The following CECR2 variants were observed in gnomAD, a reference collection of about 807,000 sequenced individuals.
CECR2 encodes chromatin remodeling regulator CECR2.
CECR2 carries 30 observed loss-of-function variants against 154.5 expected under a neutral mutation model. The observed-to-expected ratio is 0.19, with a 90% CI of 0.15 to 0.26. The LOEUF is 0.26. Ranked by LOEUF, CECR2 falls within the 10% of genes least tolerant of loss-of-function variation. The pLI is 1.00. For synonymous variants in CECR2, 725 were observed against 683.7 expected (o/e 1.06, Z -0.94); for missense variants, 1,743 against 1,829.3 (o/e 0.95, Z 0.86).
Position 17,548,925 on chromosome 22 carries a change from A to C in CECR2, c.3638A>C (p.Gln1213Pro). 6.2e-7 allele frequency: 1 copy of C among 1,613,806 alleles called. No homozygotes were observed. Among genetic ancestry groups the C allele is most frequent in the Non-Finnish European group, 8.5e-7 (1 of 1,179,784 alleles). ...YACPQSFSDW[Q>P]RPLHPQGSPS... ...TGTCCACAGAGCTTTTCTGACTGGC[A>C]GAGACCTCTCCATCCCCAGGGAAGC... The change falls in exon 17 of 19, where the codon CAG becomes CCG. Residue 1213 changes from glutamine (Q) to proline (P), a missense_variant. Transcript: ENST00000262608.
intron 1 of CECR2, among the ~76,000 whole-genome samples, chr22:17,445,059 C>T (rs1486564535): frequency 6.6e-6 from 1 of 152,162 alleles, no homozygotes; most frequent in Non-Finnish European, 1.5e-5. Flanking sequence ...ACTTTTATAT[C>T]CTTAAATGCT....
Position 17,540,896 on chromosome 22 carries a change from A to C in CECR2, c.1884+96A>C, listed in dbSNP as rs2056513686. The C allele has an allele frequency of 7.8e-6, 10 of 1,287,272 alleles. No individual in the cohort carries two copies. The East Asian group carries it at 2.3e-4, about 30-fold the overall frequency. 79.7% of individuals were successfully genotyped at this position (1,287,272 alleles called of 1,614,324 possible). ...AGTTAGTACTTCCTGCAAAATACTT[A>C]CGTGTATGTATGGAATCTTTTTCCC... On this transcript the variant is annotated intron_variant, in intron 14 of 18. Transcript: ENST00000262608.
intron 1 of CECR2, chr22:17,419,323 G>A (rs1453768550): frequency 1.8e-5 from 3 of 164,772 alleles, no homozygotes; most frequent in African/African-American, 7.2e-5. Flanking sequence ...GGAAGAGCAT[G>A]TGAAGGTAGA....
At position 17,539,617 on chromosome 22, in the gene CECR2, TAACA is replaced by T. The variant is rs796401219; in HGVS notation, c.1495+502_1495+505del. On this transcript the variant is annotated intron_variant, in intron 13 of 18. Coordinates refer to ENST00000262608, the MANE Select transcript of CECR2 (RefSeq NM_001290047.2). ...CCAGCATGGCACATGTATACATATG[TAACA>T]AACCTGCACGTTGTGCACATGTACC... Among the ~76,000 whole-genome samples, 5 of 152,238 alleles carry T rather than the reference TAACA, an allele frequency of 3.3e-5. 1 individual carries two copies. Among genetic ancestry groups the T allele is most frequent in the African/African-American group, 1.2e-4 (5 of 41,530 alleles).
At chr22:17,430,811 A>G (rs181141334) in intron 1 of CECR2, among the ~76,000 whole-genome samples, 32 of 152,306 alleles carry the variant, frequency 2.1e-4, no homozygotes, top group African/African-American at 7.7e-4. Context: ...TGACCCTGGA[A>G]AACAATTGCA....
chr22:17,400,418 A>G (rs1180490822), intron 1 of CECR2, among the ~76,000 whole-genome samples: 1 of 152,232 alleles, frequency 6.6e-6, no homozygotes, highest in African/African-American at 2.4e-5. Context: ...AAAGTCACTC[A>G]GTGAAGATGC....
At chr22:17,425,075 CT>C (rs2054310755) in intron 1 of CECR2, among the ~76,000 whole-genome samples, 1 of 152,128 alleles carries the variant, frequency 6.6e-6, no homozygotes, top group South Asian at 2.1e-4. Context: ...ATTTACTTGC[CT>C]TTTGAAAAAT....
intron 1 of CECR2, among the ~76,000 whole-genome samples, chr22:17,439,122 T>C (rs1269765568): frequency 6.6e-6 from 1 of 151,560 alleles, no homozygotes; most frequent in African/African-American, 2.4e-5. Context: ...ATAAGACACA[T>C]AAAAATCCTT....
rs184884527 is a variant in CECR2, at chr22:17,545,100, C to T, written c.2860+2097C>T. Among the ~76,000 whole-genome samples the T allele has an allele frequency of 3.7e-4, 56 of 152,130 alleles. 1 individual carries two copies. The East Asian group carries it at 3.9e-3, about 10-fold the overall frequency. ...TCTTAGAAATACCATTTAGGCCAGG[C>T]GCAGTGGCTCACATCTGTAATACCA... is the stretch of plus-strand genomic sequence containing the variant. On this transcript the variant is annotated intron_variant, in intron 16 of 18. Coordinates refer to ENST00000262608, the MANE Select transcript of CECR2 (RefSeq NM_001290047.2).
chr22:17,420,839 G>A (rs905822128), intron 1 of CECR2, among the ~76,000 whole-genome samples: 7 of 151,918 alleles, frequency 4.6e-5, no homozygotes, highest in African/African-American at 1.2e-4. Context: ...TTAATTTCTC[G>A]AAAAGTTTTA....
chr22:17,392,728 A>G (rs2063338698), intron 1 of CECR2, among the ~76,000 whole-genome samples: 1 of 152,024 alleles, frequency 6.6e-6, no homozygotes, highest in South Asian at 2.1e-4. Context: ...TACATACTAT[A>G]CAACTCATTC....
intron 1 of CECR2, among the ~76,000 whole-genome samples, chr22:17,370,633 G>A (rs1228183154): frequency 6.6e-6 from 1 of 151,990 alleles, no homozygotes; most frequent in Non-Finnish European, 1.5e-5. Context: ...CCCCGGGCGA[G>A]CGCGGAGGAC....
chr22:17,467,580 A>G (rs73157555), intron 1 of CECR2, among the ~76,000 whole-genome samples: 125,520 of 151,924 alleles, frequency 0.83, 51,989 homozygotes, highest in African/African-American at 0.88. Context: ...TCAGGAGTTC[A>G]AGACCAGCCT....
chr22:17,463,360 G>A (rs886294651), intron 1 of CECR2, among the ~76,000 whole-genome samples: 2 of 149,818 alleles, frequency 1.3e-5, no homozygotes, highest in African/African-American at 5.1e-5. Flanking sequence ...CTCACGTTTC[G>A]AAGGCTCACT....
In CECR2 at chr22:17,557,563, C is replaced by A. The variant is rs1182653439; in HGVS notation, c.*4723C>A. On this transcript the variant is annotated 3_prime_UTR_variant, in exon 19 of 19. Coordinates refer to ENST00000262608, the MANE Select transcript of CECR2 (RefSeq NM_001290047.2). ...GTTCCGGGCTCGGCTTGACCTTTTC[C>A]TACCTAGTTTCTCCCTCTTGTCCTG... 1.3e-5 allele frequency: 2 copies of A among 151,652 alleles called. No homozygotes were observed. Among genetic ancestry groups the A allele is most frequent in the East Asian group, 3.9e-4 (2 of 5,172 alleles). The allele number at this position is 151,652 out of a possible 1,614,324, so 9.4% of individuals were successfully genotyped here.
Position 17,447,388 on chromosome 22 carries a change from C to T in CECR2, c.127-30200C>T, listed in dbSNP as rs79306806. Among the ~76,000 whole-genome samples, 1,408 of 152,042 alleles carry T rather than the reference C, an allele frequency of 9.3e-3. 17 individuals are homozygous for T. Among genetic ancestry groups the T allele is most frequent in the East Asian group, 0.047 (241 of 5,160 alleles). On this transcript the variant is annotated intron_variant, in intron 1 of 18. Coordinates refer to ENST00000262608, the MANE Select transcript of CECR2 (RefSeq NM_001290047.2). ...CAGGATGGTCTCGATATCCTGACCT[C>T]GTGATCCACCCACCTCGGCCTCCCA...
intron 1 of CECR2, among the ~76,000 whole-genome samples, chr22:17,417,371 AG>A (rs1569068902): frequency 6.6e-6 from 1 of 152,246 alleles, no homozygotes; most frequent in East Asian, 1.9e-4. Context: ...ATTTCTGCTT[AG>A]GATGAAAAGT....
At chr22:17,406,262 T>G (rs2053981998) in intron 1 of CECR2, among the ~76,000 whole-genome samples, 1 of 152,222 alleles carries the variant, frequency 6.6e-6, no homozygotes, top group African/African-American at 2.4e-5. Context: ...GGCTCACGCC[T>G]GTAATCCCAG....
intron 9 of CECR2, among the ~76,000 whole-genome samples, chr22:17,533,845 T>G (rs2056397202): frequency 6.6e-6 from 1 of 151,552 alleles, no homozygotes; most frequent in South Asian, 2.1e-4. Flanking sequence ...GCCTCCCAAG[T>G]AGCTGGGATT....
Sources: gnomAD v4.1 joint callset for allele counts (sites outside exome capture counted in the v4.1 genomes callset) on GRCh38, gnomAD v4.1.1 for gene constraint, MANE v1.5 for transcripts, NCBI Gene and HGNC (gene_info 2026-07-23, HGNC 2026-07-21) for gene names.